The following SLC41A2 variants were observed in gnomAD, a reference collection of about 807,000 sequenced individuals.
SLC41A2 encodes solute carrier family 41 member 2, also known as SLC41A1-like 1.
In SLC41A2, 32 loss-of-function variants were observed where a neutral mutation model predicts 58.3. That is an observed-to-expected ratio of 0.55 (90% CI 0.41 to 0.74). The LOEUF is 0.74. Ranked by LOEUF, SLC41A2 falls within the 30% of genes least tolerant of loss-of-function variation. The pLI is 0.00. For synonymous variants in SLC41A2, 190 were observed against 235.0 expected (o/e 0.81, Z 1.75); for missense variants, 514 against 680.6 (o/e 0.76, Z 2.72).
intron 1 of SLC41A2, among the ~76,000 whole-genome samples, chr12:104,943,617 C>T (rs769916487): frequency 1.3e-5 from 2 of 152,220 alleles, no homozygotes; most frequent in Non-Finnish European, 2.9e-5. Flanking sequence ...GAAATCTCAA[C>T]TGCACAACCC....
chr12:104,887,271 C>G (rs1757036435), intron 5 of SLC41A2, among the ~76,000 whole-genome samples: 1 of 151,882 alleles, frequency 6.6e-6, no homozygotes, highest in African/African-American at 2.4e-5. Flanking sequence ...AACAGAATCT[C>G]ACAGCACTTT....
At chr12:104,849,671 T>TA (rs1201330337) in intron 8 of SLC41A2, among the ~76,000 whole-genome samples, 2 of 151,884 alleles carry the variant, frequency 1.3e-5, no homozygotes, top group African/African-American at 2.4e-5. Flanking sequence ...CTACTAAAAA[T>TA]AAAAAAATTA....
At chr12:104,822,277 A>G (rs2041667398) in intron 10 of SLC41A2, among the ~76,000 whole-genome samples, 1 of 152,232 alleles carries the variant, frequency 6.6e-6, no homozygotes, top group Admixed American at 6.5e-5. Flanking sequence ...AGCAGAGGCT[A>G]GGCCCTGTAC....
chr12:104,903,042 C>A (rs1042780300), intron 3 of SLC41A2, among the ~76,000 whole-genome samples: 5 of 152,158 alleles, frequency 3.3e-5, no homozygotes, highest in Non-Finnish European at 7.3e-5. Context: ...CCTCTCAGAT[C>A]CAGAAAGAAT....
At chr12:104,833,728 T>G (rs554410242) in intron 10 of SLC41A2, among the ~76,000 whole-genome samples, 13 of 152,282 alleles carry the variant, frequency 8.5e-5, no homozygotes, top group African/African-American at 3.1e-4. Context: ...TGCTAATATC[T>G]ATTCTTAAAA....
rs2043208771 is a variant in SLC41A2 at position 104,861,436 on chromosome 12, C to A, written c.1176-66G>T. On this transcript the variant is annotated intron_variant, in intron 7 of 10. Coordinates refer to ENST00000258538, the MANE Select transcript of SLC41A2 (RefSeq NM_001352171.3). ...AGAACATACTTGAAGTTATTCTGTA[C>A]ATACAGACACCCCTCCTTTTTAAAA... 3.3e-6 allele frequency: 3 copies of A among 898,420 alleles called. No individual in the cohort carries two copies. The East Asian group carries it at 8.0e-5, about 24-fold the overall frequency. 55.7% of individuals were successfully genotyped at this position (898,420 alleles called of 1,614,324 possible).
chr12:104,805,089 G>C lies in SLC41A2; in HGVS notation c.*63C>G, dbSNP rs1592899786. 2 of 1,367,168 alleles carry C rather than the reference G, an allele frequency of 1.5e-6. No homozygotes were observed. Among genetic ancestry groups the C allele is most frequent in the Non-Finnish European group, 2.0e-6 (2 of 1,013,414 alleles). 84.7% of individuals were successfully genotyped at this position (1,367,168 alleles called of 1,614,324 possible). A position where few individuals can be genotyped will look rare whatever the true frequency, so the allele number is the denominator to read the frequency against. On this transcript the variant is annotated 3_prime_UTR_variant, in exon 11 of 11. Coordinates refer to ENST00000258538, the MANE Select transcript of SLC41A2 (RefSeq NM_001352171.3). ...CTACTGATTTAAGAGTTTTGAAAAA[G>C]AGCCATAAGTGGTTGTCGTGTATTT... is the stretch of plus-strand genomic sequence containing the variant.
At chr12:104,958,348 C>G (rs2048256316), upstream of SLC41A2, 1 of 148,544 alleles carries the variant, frequency 6.7e-6, no homozygotes. Context: ...CCCCGCGCGG[C>G]AGCCCCGCGC....
chr12:104,894,706 C>T (rs2045195568), intron 4 of SLC41A2, among the ~76,000 whole-genome samples: 1 of 152,030 alleles, frequency 6.6e-6, no homozygotes, highest in South Asian at 2.1e-4. Flanking sequence ...AGTCTTCAGT[C>T]TTAGGGGTAG....
At chr12:104,812,973 G>A (rs1223728894) in intron 10 of SLC41A2, among the ~76,000 whole-genome samples, 1 of 152,138 alleles carries the variant, frequency 6.6e-6, no homozygotes, top group Admixed American at 6.5e-5. Flanking sequence ...GAGGTCAGGA[G>A]TTTGAGACCA....
chr12:104,896,336 T>A (rs374882338), intron 3 of SLC41A2, among the ~76,000 whole-genome samples: 1 of 152,224 alleles, frequency 6.6e-6, no homozygotes, highest in African/African-American at 2.4e-5. Context: ...AATGCAAATA[T>A]TGAGATTTCT....
intron 1 of SLC41A2, among the ~76,000 whole-genome samples, chr12:104,934,874 G>T (rs918210687): frequency 6.6e-6 from 1 of 152,126 alleles, no homozygotes; most frequent in African/African-American, 2.4e-5. Context: ...GCGGTGGGGA[G>T]GAAGAGGAAT....
intron 1 of SLC41A2, among the ~76,000 whole-genome samples, chr12:104,951,921 A>C (rs903421747): frequency 2.0e-5 from 3 of 151,926 alleles, no homozygotes; most frequent in Non-Finnish European, 4.4e-5. Flanking sequence ...AGTTCAAACA[A>C]AACAGAAATG....
chr12:104,929,269 G>A (rs1186804032), intron 1 of SLC41A2, among the ~76,000 whole-genome samples: 2 of 152,164 alleles, frequency 1.3e-5, no homozygotes, highest in African/African-American at 2.4e-5. Flanking sequence ...CAAATAAAAT[G>A]AGGCTGGAGT....
intron 6 of SLC41A2, among the ~76,000 whole-genome samples, chr12:104,879,231 T>C (rs915160353): frequency 9.2e-5 from 14 of 152,352 alleles, no homozygotes; most frequent in Non-Finnish European, 1.9e-4. Context: ...ATGGGTAGAT[T>C]GCAAAAATTT....
chr12:104,813,066 C>T (rs2041244129), intron 10 of SLC41A2, among the ~76,000 whole-genome samples: 1 of 151,990 alleles, frequency 6.6e-6, no homozygotes, highest in Non-Finnish European at 1.5e-5. Context: ...GTAATCCCAG[C>T]TACTTGGGAG....
chr12:104,860,592 TA>T lies in SLC41A2; in HGVS notation c.1255+698del, dbSNP rs570051909. 7.2e-3 allele frequency among the ~76,000 whole-genome samples: 1,097 copies of T among 152,020 alleles called. 7 individuals carry two copies. The highest frequency in any genetic ancestry group is 0.018 in the South Asian group (87 of 4,812). ...TGAGGACCAATAGATTTTTTTCTTT[TA>T]TTTTTTTTTAAGACAGGGTCTCACT... On this transcript the variant is annotated intron_variant, in intron 8 of 10. Coordinates refer to ENST00000258538, the MANE Select transcript of SLC41A2 (RefSeq NM_001352171.3).
In SLC41A2 at chr12:104,844,528, G is replaced by T; in HGVS notation, c.1480C>A (p.His494Asn). Reference sequence around the variant, plus strand: ...ATGAAGATTATAGTTAAAGAAGTATGACCACTTTTCATCAAATGAATAGTG... The same window carrying T: ...ATGAAGATTATAGTTAAAGAAGTATTACCACTTTTCATCAAATGAATAGTG... ...LYTIHLMKSG[H>N]TSLTIIFIVV... The change falls in exon 10 of 11, where the codon CAT becomes AAT. Residue 494 changes from histidine (H) to asparagine (N), a missense_variant. Coordinates refer to ENST00000258538, the MANE Select transcript of SLC41A2 (RefSeq NM_001352171.3). 6.4e-7 allele frequency: 1 copy of T among 1,570,970 alleles called. No homozygotes were observed. The highest frequency in any genetic ancestry group is 1.2e-5 in the South Asian group (1 of 81,372).
At chr12:104,928,837 A>C (rs1012644985) in intron 1 of SLC41A2, 143 bp from the exon 2 acceptor site, 1 of 202,678 alleles carries the variant, frequency 4.9e-6, no homozygotes, top group Admixed American at 5.7e-5. Context: ...TTGTGGGCTT[A>C]AAACATAACT....
Sources: allele counts gnomAD v4.1 joint callset (sites outside exome capture counted in the v4.1 genomes callset), GRCh38; gene constraint gnomAD v4.1.1; transcripts MANE v1.5; gene names NCBI Gene and HGNC (gene_info 2026-07-23, HGNC 2026-07-21).